Variants in PALM2AKAP2 observed in about 807,000 individuals in gnomAD.
The protein encoded by PALM2AKAP2 is PALM2 and AKAP2 fusion.
In PALM2AKAP2, 37 loss-of-function variants were observed where a neutral mutation model predicts 71.5. That is an observed-to-expected ratio of 0.52 (90% CI 0.40 to 0.68). PALM2AKAP2 has a LOEUF of 0.68. Among genes scored for constraint, PALM2AKAP2 ranks in the 30% least tolerant of loss-of-function variants. The probability of loss-of-function intolerance (pLI) is 0.00; values close to 1 mark genes in which losing one functional copy is unlikely to be tolerated. For missense variants in PALM2AKAP2, 1,224 were observed against 1,191.8 expected (o/e 1.03, Z -0.40); for synonymous variants, 468 against 478.8 (o/e 0.98, Z 0.29).
At chr9:110,003,228 T>G (rs1361643638) in intron 6 of PALM2AKAP2, among the ~76,000 whole-genome samples, 3 of 152,204 alleles carry the variant, frequency 2.0e-5, no homozygotes, top group Non-Finnish European at 4.4e-5. Context: ...TCTGGTATGT[T>G]GTGTCTTTGT....
chr9:110,009,486 G>T (rs1020037864), intron 6 of PALM2AKAP2, among the ~76,000 whole-genome samples: 1 of 151,986 alleles, frequency 6.6e-6, no homozygotes, highest in East Asian at 1.9e-4. Flanking sequence ...AGGCCGAGGC[G>T]GGTGGATCAC....
chr9:110,071,332 T>G (rs2118598637), intron 1 of PALM2AKAP2, among the ~76,000 whole-genome samples: 1 of 152,286 alleles, frequency 6.6e-6, no homozygotes, highest in African/African-American at 2.4e-5. Flanking sequence ...AATAAAATTC[T>G]TATGGTTGCT....
intron 2 of PALM2AKAP2, among the ~76,000 whole-genome samples, chr9:110,139,030 G>A (rs1376793289): frequency 2.0e-5 from 3 of 152,276 alleles, no homozygotes; most frequent in African/African-American, 7.2e-5. Flanking sequence ...GCATGGCATT[G>A]CAGACTGGTC....
chr9:109,845,149 C>G (rs894126635), intron 1 of PALM2AKAP2, among the ~76,000 whole-genome samples: 2 of 152,242 alleles, frequency 1.3e-5, no homozygotes, highest in Non-Finnish European at 2.9e-5. Flanking sequence ...TATCCGTACT[C>G]TATCCTCCTG....
intron 1 of PALM2AKAP2, among the ~76,000 whole-genome samples, chr9:109,704,885 T>C (rs1327083137): frequency 2.0e-5 from 3 of 152,076 alleles, no homozygotes; most frequent in African/African-American, 7.2e-5. Flanking sequence ...TTTAAACCAT[T>C]CCTCTCTCCT....
rs190421581 is a variant in PALM2AKAP2, at chr9:110,025,136, C to T, written c.582+9097C>T. 237 of 1,302,526 alleles carry T rather than the reference C, an allele frequency of 1.8e-4. 2 individuals are homozygous for T. In the East Asian group the frequency reaches 4.6e-3, roughly 25 times the overall value. 80.7% of individuals were successfully genotyped at this position (1,302,526 alleles called of 1,614,324 possible). ...ATCTTGCCCTTAACTTGTTTGTTTA[C>T]AATACCAACAGCATGCTGGGTAACA... On this transcript the variant is annotated intron_variant, in intron 7 of 9. Transcript: ENST00000302798.
intron 3 of PALM2AKAP2, among the ~76,000 whole-genome samples, chr9:109,901,642 A>G (rs1443164938): frequency 2.0e-5 from 3 of 152,210 alleles, no homozygotes; most frequent in South Asian, 2.1e-4. Flanking sequence ...AGGCCACAGA[A>G]CACTATTAGA....
At chr9:110,041,647 C>T (rs1317656213) in intron 7 of PALM2AKAP2, among the ~76,000 whole-genome samples, 1 of 152,128 alleles carries the variant, frequency 6.6e-6, no homozygotes, top group Non-Finnish European at 1.5e-5. Context: ...GCCAGAGACC[C>T]TGGAGAGGAA....
At chr9:110,029,980 A>G (rs1833249220) in intron 7 of PALM2AKAP2, among the ~76,000 whole-genome samples, 1 of 152,232 alleles carries the variant, frequency 6.6e-6, no homozygotes, top group Non-Finnish European at 1.5e-5. Flanking sequence ...GATTGTAGTT[A>G]TCAGGAAAAG....
At chr9:109,980,065 T>G (rs1448636628) in intron 6 of PALM2AKAP2, among the ~76,000 whole-genome samples, 1 of 152,150 alleles carries the variant, frequency 6.6e-6, no homozygotes, top group African/African-American at 2.4e-5. Context: ...CTGTCATAGC[T>G]GGGCCTGCTC....
intron 1 of PALM2AKAP2, among the ~76,000 whole-genome samples, chr9:109,742,449 G>A (rs1233546447): frequency 6.6e-6 from 1 of 152,194 alleles, no homozygotes; most frequent in Non-Finnish European, 1.5e-5. Context: ...CAAAAGAGAA[G>A]TGAGATAAAA....
intron 6 of PALM2AKAP2, among the ~76,000 whole-genome samples, chr9:109,967,274 G>A (rs941588078): frequency 3.3e-5 from 5 of 152,182 alleles, no homozygotes; most frequent in African/African-American, 4.8e-5. Context: ...TCAAGACAGA[G>A]AACCAGGCAG....
At chr9:109,843,225 C>T (rs1303055718) in intron 1 of PALM2AKAP2, among the ~76,000 whole-genome samples, 2 of 146,640 alleles carry the variant, frequency 1.4e-5, no homozygotes, top group Non-Finnish European at 3.0e-5. Flanking sequence ...TCACCTGAGC[C>T]CAGGACTTTG....
intron 1 of PALM2AKAP2, among the ~76,000 whole-genome samples, chr9:110,068,775 C>T (rs1834142346): frequency 6.6e-6 from 1 of 150,990 alleles, no homozygotes; most frequent in Non-Finnish European, 1.5e-5. Flanking sequence ...TCAAGTGATC[C>T]TCCTGCCTTG....
At chr9:109,968,609 C>T (rs541927600) in intron 6 of PALM2AKAP2, among the ~76,000 whole-genome samples, 1 of 152,122 alleles carries the variant, frequency 6.6e-6, no homozygotes, top group Non-Finnish European at 1.5e-5. Flanking sequence ...CTGAAAGAGG[C>T]CCTGATTTTG....
At chr9:110,083,680 G>A (rs1834497649) in intron 1 of PALM2AKAP2, among the ~76,000 whole-genome samples, 1 of 152,120 alleles carries the variant, frequency 6.6e-6, no homozygotes, top group African/African-American at 2.4e-5. Flanking sequence ...AAGCTTCCAG[G>A]GGGATAAAAT....
intron 6 of PALM2AKAP2, among the ~76,000 whole-genome samples, chr9:109,975,024 A>T (rs1282611169): frequency 6.6e-6 from 1 of 152,104 alleles, no homozygotes; most frequent in Non-Finnish European, 1.5e-5. Flanking sequence ...AGTTTCAGAA[A>T]ATATCACAAA....
chr9:110,017,788 C>T (rs576134561), intron 7 of PALM2AKAP2, among the ~76,000 whole-genome samples: 3 of 150,178 alleles, frequency 2.0e-5, no homozygotes, highest in Admixed American at 1.3e-4. Context: ...AGTGCAGTAG[C>T]GCAGACTTGG....
At chr9:109,771,524 A>G (rs1052517643) in intron 1 of PALM2AKAP2, among the ~76,000 whole-genome samples, 1 of 152,222 alleles carries the variant, frequency 6.6e-6, no homozygotes, top group African/African-American at 2.4e-5. Context: ...CCAGAATCCT[A>G]GAAATCTCCC....
Sources: gnomAD v4.1 joint callset for allele counts (sites outside exome capture counted in the v4.1 genomes callset) on GRCh38, gnomAD v4.1.1 for gene constraint, MANE v1.5 for transcripts, NCBI Gene and HGNC (gene_info 2026-07-23, HGNC 2026-07-21) for gene names.